NOC2L: variants seen among roughly 807,000 people sequenced by gnomAD.
The protein encoded by NOC2L is nucleolar complex protein 2 homolog.
A neutral mutation model predicts 94.2 loss-of-function variants in NOC2L; 101 were observed. The observed-to-expected ratio is 1.07, with a 90% CI of 0.91 to 1.26. The LOEUF is 1.26. NOC2L is among the 50% of genes most tolerant of loss of function. The probability of loss-of-function intolerance (pLI) is 0.00; values close to 1 mark genes in which losing one functional copy is unlikely to be tolerated. For synonymous variants in NOC2L, 531 were observed against 413.4 expected (o/e 1.28, Z -3.45); for missense variants, 1,076 against 980.1 (o/e 1.10, Z -1.31).
At chr1:949,271 C>G (rs1286590652) in intron 12 of NOC2L, among the ~76,000 whole-genome samples, 1 of 152,152 alleles carries the variant, frequency 6.6e-6, no homozygotes, top group Non-Finnish European at 1.5e-5. Flanking sequence ...TGCTGGGGCA[C>G]CAGAGGACAG....
In NOC2L at chr1:957,181, T is replaced by C. The variant is rs1412588303; in HGVS notation, c.272A>G (p.Asp91Gly). 1 of 1,613,954 alleles carries C rather than the reference T, an allele frequency of 6.2e-7. No homozygotes were observed. The highest frequency in any genetic ancestry group is 8.5e-7 in the Non-Finnish European group (1 of 1,180,036). The change falls in exon 3 of 19, where the codon GAC becomes GGC. Residue 91 changes from aspartate to glycine, a missense_variant. Physicochemically the swap from Asp to Gly is moderately conservative, Grantham distance 94. This residue lies in a region of NOC2L where 457 missense variants were observed against 386.0 expected (regional missense o/e 1.18). Transcript: ENST00000327044. ...PEFYKFLQEN[D>G]QSLLNFSDSD... The stretch of plus-strand genomic sequence containing the variant: ...GTCGCTGAAGTTTAGCAGGCTCTGG[T>C]CATTCTCCTGCAGGAACTTGTAGAA...
At chr1:952,805 G>A (rs1642295735) in intron 9 of NOC2L, among the ~76,000 whole-genome samples, 1 of 152,190 alleles carries the variant, frequency 6.6e-6, no homozygotes, top group Non-Finnish European at 1.5e-5. Context: ...GCTGCACACT[G>A]GGCCCCTCTG....
At chr1:958,846 C>T in intron 2 of NOC2L, 83 bp downstream of exon 2, 1 of 1,482,426 alleles carries the variant, frequency 6.7e-7, no homozygotes, top group Non-Finnish European at 9.4e-7. Flanking sequence ...GGCCTTGGCC[C>T]TGAGACCCCA....
rs762314327 is a variant in NOC2L, at chr1:956,026, G to A, written c.608-13C>T. 3 of 1,613,940 alleles carry A rather than the reference G, an allele frequency of 1.9e-6. No individual in the cohort carries two copies. Among genetic ancestry groups the A allele is most frequent in the South Asian group, 1.1e-5 (1 of 91,080 alleles). Reference sequence around the variant, plus strand: ...AGAGCATTGAATGCTGCAACGAAAAGGCCTGGATGTACTCACGGGACAGAG... The same window carrying A: ...AGAGCATTGAATGCTGCAACGAAAAAGCCTGGATGTACTCACGGGACAGAG... On this transcript the variant is annotated splice_polypyrimidine_tract_variant and intron_variant, in intron 5 of 18. Transcript: ENST00000327044.
At chr1:952,970 G>A (rs550383722) in intron 9 of NOC2L, among the ~76,000 whole-genome samples, 2 of 152,288 alleles carry the variant, frequency 1.3e-5, no homozygotes, top group South Asian at 2.1e-4. Flanking sequence ...GTCCAGGTGG[G>A]GCCCTGAGAA....
intron 2 of NOC2L, chr1:958,318 T>C: frequency 4.3e-6 from 1 of 230,476 alleles, no homozygotes; most frequent in South Asian, 4.9e-5. Flanking sequence ...AATGGTGCCA[T>C]CTCGGCTCAC....
Position 952,120 on chromosome 1 carries a change from TAC to T in NOC2L, c.1209_1210del (p.Tyr404GlnfsTer193). On this transcript the variant is annotated frameshift_variant, in exon 11 of 19. Coordinates refer to ENST00000327044, the MANE Select transcript of NOC2L (RefSeq NM_015658.4). LOFTEE classifies it high-confidence loss of function. Reference sequence around the variant, plus strand: ...GAGGCAGTGCACATACTGCCAGTTGTACACAGACTGGTATGTTTCCTGGTCAG... The same window carrying T: ...GAGGCAGTGCACATACTGCCAGTTGTACAGACTGGTATGTTTCCTGGTCAG... 2 of 1,613,638 alleles carry T rather than the reference TAC, an allele frequency of 1.2e-6. No homozygotes were observed. The highest frequency in any genetic ancestry group is 1.3e-5 in the African/African-American group (1 of 75,056).
At chr1:954,917 T>C (rs1338283019) in intron 6 of NOC2L, among the ~76,000 whole-genome samples, 1 of 151,842 alleles carries the variant, frequency 6.6e-6, no homozygotes, top group African/African-American at 2.4e-5. Context: ...TAAAATCTGC[T>C]GAAGCATGGG....
chr1:948,407 T>C, intron 13 of NOC2L, 83 bp downstream of exon 13: 1 of 1,144,086 alleles, frequency 8.7e-7, no homozygotes, highest in Non-Finnish European at 1.3e-6. Flanking sequence ...ACTTGGAGGA[T>C]GCCAGCCCCC....
Position 959,220 on chromosome 1 carries a change from G to A in NOC2L, c.21C>T (p.Arg7=). 2 of 1,607,890 alleles carry A rather than the reference G, an allele frequency of 1.2e-6. No homozygotes were observed. Among genetic ancestry groups the A allele is most frequent in the Non-Finnish European group, 1.7e-6 (2 of 1,178,004 alleles). Residue 7 remains arginine, a synonymous_variant, in exon 1 of 19, where the codon CGC becomes CGT. Coordinates refer to ENST00000327044, the MANE Select transcript of NOC2L (RefSeq NM_015658.4). ...CCCTCGGACCCGCGGCTTACCTCTT[G>A]CGGCTCCCCGCAGCTGCCATGACAC... The part of the protein sequence containing the change: MAAAGS[R]KRRLAELTVD...
chr1:956,461 G>A (rs1642403427), intron 4 of NOC2L, among the ~76,000 whole-genome samples: 1 of 152,158 alleles, frequency 6.6e-6, no homozygotes, highest in African/African-American at 2.4e-5. Context: ...CCTGGACTAT[G>A]GCCACCTCCA....
chr1:952,258 C>T, intron 10 of NOC2L, 119 bp from the exon 11 acceptor site: 2 of 1,407,502 alleles, frequency 1.4e-6, no homozygotes, highest in Non-Finnish European at 2.0e-6. Context: ...TCAACCCATC[C>T]ACCCTTCCCC....
In NOC2L at chr1:944,699, C is replaced by T. The variant is rs747335515; in HGVS notation, c.2245G>A (p.Asp749Asn). 36 of 1,593,506 alleles carry T rather than the reference C, an allele frequency of 2.3e-5. No homozygotes were observed. The highest frequency in any genetic ancestry group is 2.3e-5 in the Non-Finnish European group (27 of 1,174,588). Residue 749 changes from aspartate (D) to asparagine (N), a missense_variant, in exon 19 of 19, where the codon GAC becomes AAC. Transcript: ENST00000327044. ...GGCCCCCCAGATGGGCTGCCTCAGT[C>T]GTCCTCTGAGAGCTGCAGATCCTCC... Reference protein sequence around the residue: ...ELEDLQLSEDD With the variant: ...ELEDLQLSEDN
rs762094572 is a variant in NOC2L, at chr1:951,298, C to A, written c.1332-60G>T. 5.3e-6 allele frequency: 7 copies of A among 1,322,416 alleles called. No individual in the cohort carries two copies. In the South Asian group the frequency reaches 7.6e-5, roughly 14 times the overall value. 81.9% of individuals were successfully genotyped at this position (1,322,416 alleles called of 1,614,324 possible). A position where few individuals can be genotyped will look rare whatever the true frequency, so the allele number is the denominator to read the frequency against. On this transcript the variant is annotated intron_variant, in intron 11 of 18. Transcript: ENST00000327044. Reference sequence around the variant, plus strand: ...GGCTCTGGCAGCCCCTGCCCCTCCCCCTGCTGTCTTGGACCTCCTCCCCCA... The same window carrying A: ...GGCTCTGGCAGCCCCTGCCCCTCCCACTGCTGTCTTGGACCTCCTCCCCCA...
At chr1:953,365 C>G in intron 8 of NOC2L, 77 bp from the exon 9 acceptor site, 1 of 869,204 alleles carries the variant, frequency 1.2e-6, no homozygotes, top group Non-Finnish European at 1.9e-6. Context: ...CAGCCCTCCC[C>G]AGCCAGGCAA....
chr1:952,254 C>A (rs1642280230), intron 10 of NOC2L, 115 bp from the exon 11 acceptor site: 2 of 1,418,372 alleles, frequency 1.4e-6, no homozygotes, highest in East Asian at 4.8e-5. Context: ...GGTCTCAACC[C>A]ATCCACCCTT....
Position 956,222 on chromosome 1 carries a change from G to T in NOC2L, c.487-7C>A. 1 of 1,612,994 alleles carries T rather than the reference G, an allele frequency of 6.2e-7. No homozygotes were observed. The highest frequency in any genetic ancestry group is 8.5e-7 in the Non-Finnish European group (1 of 1,180,000). On this transcript the variant is annotated splice_region_variant and splice_polypyrimidine_tract_variant and intron_variant, in intron 4 of 18. Coordinates refer to ENST00000327044, the MANE Select transcript of NOC2L (RefSeq NM_015658.4). ...GCTTTGGAGTGAGGCGTTGCTGAAG[G>T]AGCAAGAGTACCAGGGGCGTCAGGG...
intron 16 of NOC2L, 22 bp from the exon 17 acceptor site, chr1:945,675 G>T (rs200256358): frequency 1.9e-6 from 3 of 1,613,992 alleles, no homozygotes; most frequent in Non-Finnish European, 1.7e-6. Context: ...AAGAACCAGG[G>T]GCTCAGGTGA....
chr1:952,378 C>T, intron 10 of NOC2L, 34 bp downstream of exon 10: 1 of 1,607,446 alleles, frequency 6.2e-7, no homozygotes, highest in African/African-American at 1.3e-5. Flanking sequence ...CCACCCCATG[C>T]CCAGCATGAG....
Sources: allele counts gnomAD v4.1 joint callset (sites outside exome capture counted in the v4.1 genomes callset), GRCh38; gene constraint gnomAD v4.1.1; regional missense constraint gnomAD v4.1.1; transcripts MANE v1.5; gene names NCBI Gene and HGNC (gene_info 2026-07-23, HGNC 2026-07-21).